The following BTBD9 variants were observed in gnomAD, a reference collection of about 807,000 sequenced individuals.
BTBD9 encodes BTB/POZ domain-containing protein 9.
A neutral mutation model predicts 64.3 loss-of-function variants in BTBD9; 49 were observed. That is an observed-to-expected ratio of 0.76 (90% CI 0.61 to 0.97). The LOEUF is 0.97. Among genes scored for constraint, BTBD9 ranks in the 50% least tolerant of loss-of-function variants. The probability of loss-of-function intolerance (pLI) is 0.00; values close to 1 mark genes in which losing one functional copy is unlikely to be tolerated. For missense variants in BTBD9, 598 were observed against 762.1 expected, an observed-to-expected ratio of 0.78 and a Z score of 2.53; for synonymous variants, 260 against 274.7, an observed-to-expected ratio of 0.95 and a Z score of 0.53.
At chr6:38,484,723 T>C (rs926291805) in intron 6 of BTBD9, among the ~76,000 whole-genome samples, 1 of 152,232 alleles carries the variant, frequency 6.6e-6, no homozygotes, top group Non-Finnish European at 1.5e-5. Context: ...AACAGCATTA[T>C]GTCCAAAAAA....
At chr6:38,366,938 C>A (rs978445234) in intron 6 of BTBD9, among the ~76,000 whole-genome samples, 1 of 152,192 alleles carries the variant, frequency 6.6e-6, no homozygotes, top group Admixed American at 6.5e-5. Flanking sequence ...CTCTCAATGT[C>A]CTGACTATAG....
intron 6 of BTBD9, among the ~76,000 whole-genome samples, chr6:38,394,030 C>G (rs1274466863): frequency 1.3e-5 from 2 of 152,138 alleles, no homozygotes; most frequent in Non-Finnish European, 1.5e-5. Context: ...ATTCATCCAT[C>G]CATCCACTCA....
At chr6:38,265,262 T>C (rs781296460) in intron 8 of BTBD9, among the ~76,000 whole-genome samples, 7 of 152,098 alleles carry the variant, frequency 4.6e-5, no homozygotes, top group Non-Finnish European at 8.8e-5. Flanking sequence ...GGCTGGCTCA[T>C]TGAGAAAGGG....
chr6:38,339,286 C>A (rs538109445), intron 7 of BTBD9, among the ~76,000 whole-genome samples: 69 of 152,228 alleles, frequency 4.5e-4, no homozygotes, highest in Admixed American at 1.8e-3. Flanking sequence ...GAGGACCATG[C>A]AGCTATAAAA....
intron 6 of BTBD9, among the ~76,000 whole-genome samples, chr6:38,396,178 G>C (rs1263998625): frequency 6.6e-6 from 1 of 152,158 alleles, no homozygotes; most frequent in East Asian, 1.9e-4. Flanking sequence ...GAAAACAATG[G>C]AAGTCACTGG....
intron 9 of BTBD9, among the ~76,000 whole-genome samples, chr6:38,245,333 A>C (rs1160292892): frequency 6.6e-6 from 1 of 152,194 alleles, no homozygotes; most frequent in Non-Finnish European, 1.5e-5. Context: ...GTCAGGGCAA[A>C]CTTTCCTGAA....
At chr6:38,617,249 G>A (rs1739628) in intron 1 of BTBD9, among the ~76,000 whole-genome samples, 99,169 of 151,876 alleles carry the variant, frequency 0.65, 32,785 homozygotes, top group African/African-American at 0.76. Flanking sequence ...AAAGCCATTC[G>A]GCTCCAAAAA....
chr6:38,477,347 C>T (rs967386201), intron 6 of BTBD9, among the ~76,000 whole-genome samples: 2 of 152,190 alleles, frequency 1.3e-5, no homozygotes, highest in Admixed American at 1.3e-4. Context: ...CTACTATGTG[C>T]TAGCTGTAAC....
chr6:38,443,016 A>T (rs1459726405), intron 6 of BTBD9, among the ~76,000 whole-genome samples: 1 of 152,122 alleles, frequency 6.6e-6, no homozygotes, highest in African/African-American at 2.4e-5. Context: ...TTAAAAAAAA[A>T]TTGTAAGAAA....
At chr6:38,630,781 C>T (rs1778335927) in intron 1 of BTBD9, among the ~76,000 whole-genome samples, 2 of 152,120 alleles carry the variant, frequency 1.3e-5, no homozygotes, top group Admixed American at 6.5e-5. Flanking sequence ...CCAATTATGT[C>T]CTACATACAC....
intron 6 of BTBD9, among the ~76,000 whole-genome samples, chr6:38,539,734 T>C (rs1161516302): frequency 1.3e-5 from 2 of 152,156 alleles, no homozygotes; most frequent in African/African-American, 4.8e-5. Flanking sequence ...TCAATTTGGG[T>C]ATAAAAACCC....
intron 6 of BTBD9, among the ~76,000 whole-genome samples, chr6:38,420,937 A>G (rs1767874896): frequency 6.6e-6 from 1 of 152,214 alleles, no homozygotes; most frequent in African/African-American, 2.4e-5. Flanking sequence ...AAAAAACTAT[A>G]CATTTTATAA....
At chr6:38,444,157 A>G (rs1375450070) in intron 6 of BTBD9, among the ~76,000 whole-genome samples, 1 of 152,188 alleles carries the variant, frequency 6.6e-6, no homozygotes, top group African/African-American at 2.4e-5. Flanking sequence ...ACCATCTAGA[A>G]GAGGTTAAAT....
intron 6 of BTBD9, among the ~76,000 whole-genome samples, chr6:38,475,379 T>A (rs985423822): frequency 6.6e-6 from 1 of 151,282 alleles, no homozygotes; most frequent in African/African-American, 2.4e-5. Context: ...TCTCCATCTT[T>A]GTTCAAATCT....
At chr6:38,594,493 A>AC (rs1423100271) in intron 2 of BTBD9, 166 bp from the exon 3 acceptor site, 14 of 768,978 alleles carry the variant, frequency 1.8e-5, no homozygotes, top group Admixed American at 1.3e-4. Context: ...TTTACAGGAC[A>AC]CAAGAGGAAT....
intron 10 of BTBD9, among the ~76,000 whole-genome samples, chr6:38,183,433 C>A (rs894508381): frequency 5.9e-5 from 9 of 152,176 alleles, no homozygotes; most frequent in Non-Finnish European, 1.0e-4. Context: ...TGGGGCCACA[C>A]AGCTGGCTGG....
intron 9 of BTBD9, among the ~76,000 whole-genome samples, chr6:38,216,136 AAC>A (rs1763002047): frequency 6.6e-6 from 1 of 152,240 alleles, no homozygotes. Flanking sequence ...ACAAAGGGGA[AAC>A]ACACTCAATT....
chr6:38,223,389 C>G (rs1763282895), intron 9 of BTBD9, among the ~76,000 whole-genome samples: 1 of 152,154 alleles, frequency 6.6e-6, no homozygotes, highest in Admixed American at 6.5e-5. Context: ...GGCTAGAGTA[C>G]AGCAGAGCAA....
rs116057517 is a variant in BTBD9, at chr6:38,413,220, G to A, written c.1155-68127C>T. Among the ~76,000 whole-genome samples, 57 of 152,022 alleles carry A rather than the reference G, an allele frequency of 3.7e-4. 1 individual carries two copies. The highest frequency in any genetic ancestry group is 1.5e-3 in the Admixed American group (23 of 15,260). On this transcript the variant is annotated intron_variant, in intron 6 of 10. Transcript: ENST00000481247. ...CAAACTTAGACTCCTCTTCAGTAAC[G>A]TGGCTTAAACTAGGAAAGACAAACT...
Sources: allele counts gnomAD v4.1 joint callset (sites outside exome capture counted in the v4.1 genomes callset), GRCh38; gene constraint gnomAD v4.1.1; transcripts MANE v1.5; gene names NCBI Gene and HGNC (gene_info 2026-07-23, HGNC 2026-07-21).